The following CDH1 variants were observed in gnomAD, a reference collection of about 807,000 sequenced individuals.
CDH1 encodes cadherin-1.
CDH1 carries 35 observed loss-of-function variants against 84.5 expected under a neutral mutation model. That is an observed-to-expected ratio of 0.41 (90% CI 0.32 to 0.55). The LOEUF (loss-of-function observed/expected upper bound fraction) is 0.55. Among genes scored for constraint, CDH1 ranks in the 20% least tolerant of loss-of-function variants. The pLI, the probability that CDH1 is intolerant of heterozygous loss-of-function variation, is 0.19. For synonymous variants in CDH1, 417 were observed against 439.0 expected, an observed-to-expected ratio of 0.95 and a Z score of 0.63; for missense variants, 994 against 1,126.6, an observed-to-expected ratio of 0.88 and a Z score of 1.68.
intron 2 of CDH1, chr16:68,765,201 T>A (rs930841107): frequency 5.3e-5 from 8 of 152,152 alleles, no homozygotes; most frequent in South Asian, 2.1e-4. Context: ...TTATTTTTAT[T>A]TTTTATTTTT....
At position 68,813,303 on chromosome 16, in the gene CDH1, T is replaced by C. The variant is rs758324153; in HGVS notation, c.1138-10T>C. 1.2e-6 allele frequency: 2 copies of C among 1,613,938 alleles called. No homozygotes were observed. Among genetic ancestry groups the C allele is most frequent in the Non-Finnish European group, 1.7e-6 (2 of 1,179,916 alleles). On this transcript the variant is annotated splice_polypyrimidine_tract_variant and intron_variant, in intron 8 of 15. Transcript: ENST00000261769. Reference sequence around the variant, plus strand: ...GTACTTTGTAAATGACACATCTCTTTGCTCTGCAGTACAAGGGTCAGGTGC... The same window carrying C: ...GTACTTTGTAAATGACACATCTCTTCGCTCTGCAGTACAAGGGTCAGGTGC...
At position 68,815,493 on chromosome 16, in the gene CDH1, CTTCA is replaced by C. The variant is rs1555516065; in HGVS notation, c.1321-19_1321-16del. 6.2e-7 allele frequency: 1 copy of C among 1,613,962 alleles called. No homozygotes were observed. Among genetic ancestry groups the C allele is most frequent in the Non-Finnish European group, 8.5e-7 (1 of 1,179,988 alleles). The stretch of plus-strand genomic sequence containing the variant: ...ACAAAATGTTTCGTTTTGTTTTTAA[CTTCA>C]TTGTTTCTGCTCTCTAGGGCTTGGA... On this transcript the variant is annotated intron_variant, in intron 9 of 15. Transcript: ENST00000261769.
intron 3 of CDH1, among the ~76,000 whole-genome samples, chr16:68,806,133 T>TTTA (rs1960652198): frequency 3.2e-5 from 1 of 30,894 alleles, no homozygotes; most frequent in Non-Finnish European, 7.8e-5. Flanking sequence ...TATTTATTTA[T>TTTA]TTATTTATTT....
At position 68,761,084 on chromosome 16, in the gene CDH1, C is replaced by T. The variant is rs143879773; in HGVS notation, c.163+22673C>T. Among the ~76,000 whole-genome samples the T allele has an allele frequency of 3.9e-5, 6 of 152,330 alleles. No homozygotes were observed. In the East Asian group the frequency reaches 5.8e-4, roughly 15 times the overall value. ...GGTAGGGGCTGTGAGAAAACTCCCT[C>T]GTTGGTTCTTCCTACAGGGCCTTTG... is the stretch of plus-strand genomic sequence containing the variant. On this transcript the variant is annotated intron_variant, in intron 2 of 15. Transcript: ENST00000261769.
intron 12 of CDH1, 112 bp downstream of exon 12, chr16:68,822,337 T>C (rs1189471621): frequency 2.6e-6 from 2 of 765,862 alleles, no homozygotes; most frequent in Non-Finnish European, 4.6e-6. Context: ...ACCCCTTCCA[T>C]TGATACTTGC....
At chr16:68,749,068 C>T (rs925053715) in intron 2 of CDH1, among the ~76,000 whole-genome samples, 1 of 152,310 alleles carries the variant, frequency 6.6e-6, no homozygotes, top group Middle Eastern at 3.4e-3. Flanking sequence ...AACTCCTGAC[C>T]TCAGGTGATC....
intron 2 of CDH1, among the ~76,000 whole-genome samples, chr16:68,761,428 A>G (rs1246500428): frequency 1.3e-5 from 2 of 152,164 alleles, no homozygotes; most frequent in African/African-American, 2.4e-5. Context: ...CCATGTGTCT[A>G]TCCTCCATTC....
chr16:68,815,007 C>T (rs969721725), intron 9 of CDH1, among the ~76,000 whole-genome samples: 2 of 151,756 alleles, frequency 1.3e-5, no homozygotes, highest in Non-Finnish European at 2.9e-5. Context: ...GGGTGGATCA[C>T]CTGAGGTCAG....
Position 68,808,417 on chromosome 16 carries a change from C to G in CDH1, c.388-7C>G, listed in dbSNP as rs201402744. 1.3e-5 allele frequency: 21 copies of G among 1,614,016 alleles called. No individual in the cohort carries two copies. The highest frequency in any genetic ancestry group is 1.8e-5 in the Non-Finnish European group (21 of 1,180,006). On this transcript the variant is annotated splice_polypyrimidine_tract_variant and splice_region_variant and intron_variant, in intron 3 of 15. Coordinates refer to ENST00000261769, the MANE Select transcript of CDH1 (RefSeq NM_004360.5). The stretch of plus-strand genomic sequence containing the variant: ...CTTATCTTGTTCCTCATCTTCTTTC[C>G]TTTTAGGCCTCCGTTTCTGGAATCC...
chr16:68,767,938 T>G (rs577544481), intron 2 of CDH1, among the ~76,000 whole-genome samples: 1 of 151,500 alleles, frequency 6.6e-6, no homozygotes, highest in African/African-American at 2.4e-5. Context: ...TCTAAAAATA[T>G]GTTATAAAAT....
At position 68,834,485 on chromosome 16, in the gene CDH1, G is replaced by T; in HGVS notation, c.*986G>T. ...TTCTGCCTTGGCCCCCCAAAGTGCTGGGATTGTGGGCATGAGCTGCTGTGC... is the reference window on the plus strand; with the variant it reads ...TTCTGCCTTGGCCCCCCAAAGTGCTTGGATTGTGGGCATGAGCTGCTGTGC... On this transcript the variant is annotated 3_prime_UTR_variant, in exon 16 of 16. Coordinates refer to ENST00000261769, the MANE Select transcript of CDH1 (RefSeq NM_004360.5). 3.3e-6 allele frequency: 1 copy of T among 301,224 alleles called. No individual in the cohort carries two copies. The highest frequency in any genetic ancestry group is 6.4e-6 in the Non-Finnish European group (1 of 155,640). 18.7% of individuals were successfully genotyped at this position (301,224 alleles called of 1,614,324 possible).
intron 2 of CDH1, among the ~76,000 whole-genome samples, chr16:68,774,296 G>C (rs775130086): frequency 6.6e-6 from 1 of 152,178 alleles, no homozygotes; most frequent in Non-Finnish European, 1.5e-5. Flanking sequence ...AGGCCGAGTC[G>C]GGCAGATTAC....
intron 2 of CDH1, among the ~76,000 whole-genome samples, chr16:68,795,367 T>C (rs997174235): frequency 1.3e-5 from 2 of 152,166 alleles, no homozygotes; most frequent in African/African-American, 2.4e-5. Context: ...AGAGATGGGG[T>C]CTTACTATGT....
chr16:68,818,143 G>C (rs1438758288), intron 10 of CDH1, among the ~76,000 whole-genome samples: 3 of 150,844 alleles, frequency 2.0e-5, no homozygotes, highest in Admixed American at 2.0e-4. Context: ...AGGAGGCTGG[G>C]GCAGGAGAAT....
chr16:68,778,693 C>T (rs1959797029), intron 2 of CDH1, among the ~76,000 whole-genome samples: 1 of 152,114 alleles, frequency 6.6e-6, no homozygotes, highest in African/African-American at 2.4e-5. Context: ...TGAGCCTAAG[C>T]TAATGGCTTA....
rs779648243 is a variant in CDH1 at position 68,828,290 on chromosome 16, G to A, written c.2281G>A (p.Gly761Arg). The A allele has an allele frequency of 7.4e-6, 12 of 1,614,080 alleles. No homozygotes were observed. Among genetic ancestry groups the A allele is most frequent in the South Asian group, 3.3e-5 (3 of 91,082 alleles). The change falls in exon 14 of 16, where the codon GGA becomes AGA. Residue 761 changes from glycine to arginine, a missense_variant. Coordinates refer to ENST00000261769, the MANE Select transcript of CDH1 (RefSeq NM_004360.5). ...NVYYYDEEGG[G>R]EEDQDFDLSQ... Reference sequence around the variant, plus strand: ...TTATTACTATGATGAAGAAGGAGGCGGAGAAGAGGACCAGGTGGGTTTTGA... The same window carrying A: ...TTATTACTATGATGAAGAAGGAGGCAGAGAAGAGGACCAGGTGGGTTTTGA...
At chr16:68,787,231 T>A (rs994418774) in intron 2 of CDH1, among the ~76,000 whole-genome samples, 2 of 152,224 alleles carry the variant, frequency 1.3e-5, no homozygotes, top group African/African-American at 4.8e-5. Flanking sequence ...TCCGCAAGCC[T>A]AGTGCTGAAG....
chr16:68,753,169 C>CTTACT (rs2152117729), intron 2 of CDH1, among the ~76,000 whole-genome samples: 1 of 145,540 alleles, frequency 6.9e-6, no homozygotes, highest in South Asian at 2.2e-4. Flanking sequence ...GCTGAGATCG[C>CTTACT]GCCACTGCAC....
At position 68,822,233 on chromosome 16, in the gene CDH1, C is replaced by T. The variant is rs776624068; in HGVS notation, c.1936+8C>T. 4.7e-5 allele frequency: 76 copies of T among 1,608,518 alleles called. No individual in the cohort carries two copies. Among genetic ancestry groups the T allele is most frequent in the Non-Finnish European group, 6.1e-5 (72 of 1,175,068 alleles). On this transcript the variant is annotated splice_region_variant and intron_variant, in intron 12 of 15. Transcript: ENST00000261769. The stretch of plus-strand genomic sequence containing the variant: ...TTCAGTACAACGACCCAAGTGGGTA[C>T]CTGAGTTTTATTTTGGCAACTTTGC...
Sources: allele counts gnomAD v4.1 joint callset (sites outside exome capture counted in the v4.1 genomes callset), GRCh38; gene constraint gnomAD v4.1.1; transcripts MANE v1.5; gene names NCBI Gene and HGNC (gene_info 2026-07-23, HGNC 2026-07-21).